FUT8: variants seen among roughly 807,000 people sequenced by gnomAD.
The protein encoded by FUT8 is fucosyltransferase 8, also known as alpha-(1,6)-fucosyltransferase.
Under a neutral mutation model 71.3 loss-of-function variants are expected in FUT8, and 29 were observed. The ratio of observed to expected loss-of-function variants is 0.41; its 90% CI spans 0.30 to 0.55. The LOEUF (loss-of-function observed/expected upper bound fraction) is 0.55. Among genes scored for constraint, FUT8 ranks in the 20% least tolerant of loss-of-function variants. The pLI is 0.34. For missense variants in FUT8, 544 were observed against 702.1 expected, an observed-to-expected ratio of 0.77 and a Z score of 2.55; for synonymous variants, 254 against 239.3, an observed-to-expected ratio of 1.06 and a Z score of -0.57.
At chr14:65,503,499 A>G (rs1005536843) in intron 2 of FUT8, among the ~76,000 whole-genome samples, 3 of 152,230 alleles carry the variant, frequency 2.0e-5, no homozygotes, top group Admixed American at 6.5e-5. Flanking sequence ...GAGCCAAATG[A>G]AACTTTGAAT....
At chr14:65,518,317 T>C (rs1488821596) in intron 2 of FUT8, among the ~76,000 whole-genome samples, 1 of 152,122 alleles carries the variant, frequency 6.6e-6, no homozygotes, top group African/African-American at 2.4e-5. Flanking sequence ...GGTAATACTG[T>C]AGTAGTATTT....
At chr14:65,464,377 A>G (rs996840375) in intron 2 of FUT8, among the ~76,000 whole-genome samples, 30 of 149,944 alleles carry the variant, frequency 2.0e-4, no homozygotes, top group African/African-American at 6.9e-4. Flanking sequence ...TGCATTAGCT[A>G]GGATGTCCAG....
At chr14:65,411,930 T>C (rs1030896412), upstream of FUT8, 3 of 430,064 alleles carry the variant, frequency 7.0e-6, no homozygotes, top group African/African-American at 6.1e-5. Flanking sequence ...TGGGCTGCTC[T>C]GGGGCAGCCC....
intron 5 of FUT8, 97 bp from the exon 6 acceptor site, chr14:65,629,395 A>C (rs1037701035): frequency 2.4e-5 from 17 of 717,518 alleles, no homozygotes; most frequent in Non-Finnish European, 3.9e-5. Flanking sequence ...TGCGAGCATC[A>C]ATCTTTATGA....
At chr14:65,412,006 C>T, upstream of FUT8, 1 of 456,680 alleles carries the variant, frequency 2.2e-6, no homozygotes, top group South Asian at 1.5e-5. Flanking sequence ...AGGACGCATC[C>T]TAGGGCAAAG....
At chr14:65,654,953 A>G (rs1042783844) in intron 6 of FUT8, among the ~76,000 whole-genome samples, 1 of 151,860 alleles carries the variant, frequency 6.6e-6, no homozygotes, top group African/African-American at 2.4e-5. Context: ...GGGTTTCTCC[A>G]TGTTGGTCAG....
chr14:65,496,585 C>T (rs2066563314), intron 2 of FUT8, among the ~76,000 whole-genome samples: 1 of 152,138 alleles, frequency 6.6e-6, no homozygotes, highest in African/African-American at 2.4e-5. Context: ...CTCCTTCACC[C>T]ACTCGCTCTC....
At chr14:65,540,265 G>A (rs1884597281) in intron 2 of FUT8, among the ~76,000 whole-genome samples, 1 of 152,034 alleles carries the variant, frequency 6.6e-6, no homozygotes, top group African/African-American at 2.4e-5. Flanking sequence ...ATTTTTGTTT[G>A]TTTGTTTTAA....
At chr14:65,614,698 G>A (rs1252136947) in intron 3 of FUT8, among the ~76,000 whole-genome samples, 10 of 152,168 alleles carry the variant, frequency 6.6e-5, no homozygotes, top group Non-Finnish European at 1.5e-4. Flanking sequence ...CTCTTCTGTA[G>A]TAAAATCTTC....
chr14:65,611,257 A>ACCC lies in FUT8; in HGVS notation c.204-4720_204-4719insCCC, dbSNP rs1566851204. Among the ~76,000 whole-genome samples the ACCC allele has an allele frequency of 1.7e-4, 13 of 78,004 alleles. 1 individual carries two copies. Among genetic ancestry groups the ACCC allele is most frequent in the African/African-American group, 1.2e-3 (13 of 10,728 alleles). 51.2% of individuals were successfully genotyped at this position (78,004 alleles called of 152,430 possible). A position where few individuals can be genotyped will look rare whatever the true frequency, so the allele number is the denominator to read the frequency against. ...CACACACACACACACACACACACAC[A>ACCC]CACACACACACACACACACACACAC... is the stretch of plus-strand genomic sequence containing the variant. On this transcript the variant is annotated intron_variant, in intron 3 of 10. Coordinates refer to ENST00000673929, the MANE Select transcript of FUT8 (RefSeq NM_001371533.1).
Position 65,627,264 on chromosome 14 carries a change from G to T in FUT8, c.483-2228G>T, listed in dbSNP as rs1889945570. ...GAAAAAAAAAATAAGCAGGGAAGGAGTGTTAGCAGCAGTGAATCCATACGG... is the reference window on the plus strand; with the variant it reads ...GAAAAAAAAAATAAGCAGGGAAGGATTGTTAGCAGCAGTGAATCCATACGG... On this transcript the variant is annotated intron_variant, in intron 5 of 10. Transcript: ENST00000673929. The surrounding 1 kb of genome is among the most constrained non-coding windows in gnomAD (Gnocchi z 4.0). Among the ~76,000 whole-genome samples the T allele has an allele frequency of 6.6e-6, 1 of 152,146 alleles. No homozygotes were observed. Among genetic ancestry groups the T allele is most frequent in the Non-Finnish European group, 1.5e-5 (1 of 68,014 alleles).
chr14:65,722,398 T>C (rs2081914324), intron 8 of FUT8, among the ~76,000 whole-genome samples: 1 of 152,170 alleles, frequency 6.6e-6, no homozygotes, highest in Admixed American at 6.5e-5. Flanking sequence ...GTGATCCTCC[T>C]ACCTCAGCCT....
chr14:65,630,032 G>C (rs1344336470), intron 6 of FUT8, among the ~76,000 whole-genome samples: 1 of 152,162 alleles, frequency 6.6e-6, no homozygotes, highest in Admixed American at 6.5e-5. Context: ...GGAAAAGAAT[G>C]TACCAGCTGG....
chr14:65,377,131 G>C, the FUT8 span, among the ~76,000 whole-genome samples: 1 of 152,152 alleles, frequency 6.6e-6, no homozygotes, highest in Non-Finnish European at 1.5e-5. Flanking sequence ...ATTCAGATAA[G>C]TTGGCAGTTT....
intron 6 of FUT8, among the ~76,000 whole-genome samples, chr14:65,667,697 A>G (rs534426201): frequency 6.6e-6 from 1 of 152,134 alleles, no homozygotes; most frequent in South Asian, 2.1e-4. Context: ...CAGAATCAGA[A>G]AAAAGCCTGA....
intron 2 of FUT8, among the ~76,000 whole-genome samples, chr14:65,527,670 C>G (rs954150324): frequency 2.6e-5 from 4 of 152,032 alleles, no homozygotes; most frequent in Non-Finnish European, 4.4e-5. Context: ...TTTTCCCCAT[C>G]TTTGTGGTTT....
At chr14:65,723,955 C>T (rs1181094324) in intron 8 of FUT8, among the ~76,000 whole-genome samples, 192 bp from the exon 9 acceptor site, 1 of 152,118 alleles carries the variant, frequency 6.6e-6, no homozygotes, top group Non-Finnish European at 1.5e-5. Context: ...ATTGTTTAGC[C>T]TGCAAATATA....
upstream of FUT8, among the ~76,000 whole-genome samples, chr14:65,410,236 C>G (rs1228318807): frequency 6.6e-6 from 1 of 152,114 alleles, no homozygotes; most frequent in East Asian, 1.9e-4. Context: ...TGAGAAGAGG[C>G]AGGGTATAAA....
At position 65,742,661 on chromosome 14, in the gene FUT8, G is replaced by T; in HGVS notation, c.*251G>T. The T allele has an allele frequency of 5.1e-6, 2 of 394,866 alleles. No individual in the cohort carries two copies. The highest frequency in any genetic ancestry group is 9.2e-6 in the Non-Finnish European group (2 of 218,046). 24.5% of individuals were successfully genotyped at this position (394,866 alleles called of 1,614,324 possible). On this transcript the variant is annotated 3_prime_UTR_variant, in exon 11 of 11. Coordinates refer to ENST00000673929, the MANE Select transcript of FUT8 (RefSeq NM_001371533.1). The stretch of plus-strand genomic sequence containing the variant: ...GTACTCACATATAACATGCAAACAG[G>T]TTGTTTTCTACTTTGCCCCTTTCAG...
Sources: allele counts gnomAD v4.1 joint callset (sites outside exome capture counted in the v4.1 genomes callset), GRCh38; gene constraint gnomAD v4.1.1; non-coding constraint Gnocchi (gnomAD v3.1); transcripts MANE v1.5; gene names NCBI Gene and HGNC (gene_info 2026-07-23, HGNC 2026-07-21).